Variants in TMEM59L observed in about 807,000 individuals in gnomAD.
TMEM59L encodes transmembrane protein 59-like.
In TMEM59L, 31 loss-of-function variants were observed where a neutral mutation model predicts 39.6. The ratio of observed to expected loss-of-function variants is 0.78; its 90% CI spans 0.59 to 1.06. The LOEUF (loss-of-function observed/expected upper bound fraction) is 1.06. TMEM59L is among the 50% of genes least tolerant of loss of function. The pLI is 0.00. For missense variants in TMEM59L, 441 were observed against 451.3 expected (o/e 0.98, Z 0.21); for synonymous variants, 219 against 202.9 (o/e 1.08, Z -0.68).
chr19:18,614,420 C>T (rs1253018715), intron 3 of TMEM59L, among the ~76,000 whole-genome samples: 1 of 152,220 alleles, frequency 6.6e-6, no homozygotes, highest in Non-Finnish European at 1.5e-5. Flanking sequence ...AGAAAACAGC[C>T]ATCATTTATC....
chr19:18,616,046 T>C lies in TMEM59L; in HGVS notation c.480T>C (p.Leu160=), dbSNP rs709679. The C allele has an allele frequency of 0.46, 739,987 of 1,613,734 alleles. 171,713 individuals are homozygous for C. Among genetic ancestry groups the C allele is most frequent in the East Asian group, 0.63 (28,184 of 44,836 alleles). ...LDLFSTLCND[L]VNSAQGFVSS... ...TGTTTTCCACCCTCTGCAATGACCT[T>C]GTCAACTCAGCCCAGGGATTTGTCT... The change falls in exon 4 of 8, where the codon CTT becomes CTC. Residue 160 remains leucine, a synonymous_variant. Transcript: ENST00000262817.
intron 3 of TMEM59L, among the ~76,000 whole-genome samples, chr19:18,615,102 C>A (rs982275758): frequency 2.8e-4 from 42 of 152,170 alleles, no homozygotes; most frequent in Non-Finnish European, 5.4e-4. Context: ...CCTGCCTCAG[C>A]CTCCTTTGTA....
rs138742174 is a variant in TMEM59L, at chr19:18,617,098, C to T, written c.660C>T (p.His220=). 2.9e-5 allele frequency: 46 copies of T among 1,612,678 alleles called. No homozygotes were observed. Among genetic ancestry groups the T allele is most frequent in the Middle Eastern group, 3.3e-4 (2 of 6,084 alleles). Residue 220 remains histidine, a synonymous_variant, in exon 5 of 8, where the codon CAC becomes CAT. Transcript: ENST00000262817. ...RGSHPEALEV[H]VDPVGPLDKV... ...CCCACCCTGAAGCCCTGGAGGTGCA[C>T]GTGGGTAAGGTGCAACCTAGACCAG...
At chr19:18,615,169 G>T (rs904690570) in intron 3 of TMEM59L, among the ~76,000 whole-genome samples, 1 of 152,134 alleles carries the variant, frequency 6.6e-6, no homozygotes, top group Non-Finnish European at 1.5e-5. Context: ...TTTTAGGAGA[G>T]ACAGGGTTTC....
At position 18,616,377 on chromosome 19, in the gene TMEM59L, G is replaced by A. The variant is rs1314220933; in HGVS notation, c.561+250G>A. Among the ~76,000 whole-genome samples, 3 of 105,862 alleles carry A rather than the reference G, an allele frequency of 2.8e-5. No individual in the cohort carries two copies. In the East Asian group the frequency reaches 1.1e-3, roughly 37 times the overall value. 69.4% of individuals were successfully genotyped at this position (105,862 alleles called of 152,430 possible). ...CCAGAGGCTCTAGGTTACAAACGCT[G>A]TGGTTTTTTTTTGTTGTTGTTGTTG... On this transcript the variant is annotated intron_variant, in intron 4 of 7. Coordinates refer to ENST00000262817, the MANE Select transcript of TMEM59L (RefSeq NM_012109.3).
intron 7 of TMEM59L, among the ~76,000 whole-genome samples, chr19:18,618,951 T>C (rs928440471): frequency 6.6e-6 from 1 of 151,832 alleles, no homozygotes; most frequent in African/African-American, 2.4e-5. Flanking sequence ...CGCCTCTGCC[T>C]CCCAAAGTGC....
At chr19:18,618,559 G>C in intron 7 of TMEM59L, 67 bp downstream of exon 7, 1 of 1,508,920 alleles carries the variant, frequency 6.6e-7, no homozygotes. Context: ...CTGTTTGCTG[G>C]TCCTGGATTT....
chr19:18,613,869 C>G lies in TMEM59L; in HGVS notation c.172-3C>G, dbSNP rs576254642. 1 of 1,610,258 alleles carries G rather than the reference C, an allele frequency of 6.2e-7. No homozygotes were observed. Among genetic ancestry groups the G allele is most frequent in the Non-Finnish European group, 8.5e-7 (1 of 1,178,982 alleles). On this transcript the variant is annotated splice_region_variant and splice_polypyrimidine_tract_variant and intron_variant, in intron 1 of 7. Transcript: ENST00000262817. Reference sequence around the variant, plus strand: ...CTGAGCCCCCTGTCCTCCCCTCCCCCAGGCGGGGCTGGAGGGCGCCTCCGA... The same window carrying G: ...CTGAGCCCCCTGTCCTCCCCTCCCCGAGGCGGGGCTGGAGGGCGCCTCCGA...
At chr19:18,613,845 T>G in intron 1 of TMEM59L, 27 bp from the exon 2 acceptor site, 5 of 1,306,282 alleles carry the variant, frequency 3.8e-6, no homozygotes, top group South Asian at 1.2e-5. Flanking sequence ...CCCCATGGCC[T>G]GAGCCCCCTG....
rs1976436466 is a variant in TMEM59L, at chr19:18,617,078, C to T, written c.640C>T (p.Pro214Ser). The change falls in exon 5 of 8, where the codon CCT (proline) becomes TCT (serine). Residue 214 changes from proline to serine, a missense_variant. Coordinates refer to ENST00000262817, the MANE Select transcript of TMEM59L (RefSeq NM_012109.3). ...GGAGGTGACCTGGCGAGGCTCCCACCCTGAAGCCCTGGAGGTGCACGTGGG... is the reference window on the plus strand; with the variant it reads ...GGAGGTGACCTGGCGAGGCTCCCACTCTGAAGCCCTGGAGGTGCACGTGGG... ...RVEVTWRGSH[P>S]EALEVHVDPV... is the part of the protein sequence containing the mutation. The T allele has an allele frequency of 1.2e-6, 2 of 1,613,270 alleles. No individual in the cohort carries two copies. The highest frequency in any genetic ancestry group is 1.7e-6 in the Non-Finnish European group (2 of 1,179,884).
intron 7 of TMEM59L, 48 bp downstream of exon 7, chr19:18,618,540 C>G: frequency 6.5e-7 from 1 of 1,550,330 alleles, no homozygotes; most frequent in Non-Finnish European, 8.8e-7. Flanking sequence ...GGGGTGAAGG[C>G]AGAGAGAGCT....
Position 18,620,450 on chromosome 19 carries a change from G to A in TMEM59L, c.943G>A (p.Asp315Asn), listed in dbSNP as rs752463223. The A allele has an allele frequency of 9.9e-6, 16 of 1,613,342 alleles. No homozygotes were observed. The highest frequency in any genetic ancestry group is 3.3e-5 in the South Asian group (3 of 91,068). The change falls in exon 8 of 8, where the codon GAT (aspartate) becomes AAT (asparagine). Residue 315 changes from aspartate (D) to asparagine (N), a missense_variant. By Grantham distance (23) the Asp-to-Asn change is conservative. Coordinates refer to ENST00000262817, the MANE Select transcript of TMEM59L (RefSeq NM_012109.3). ...EQHKGFMMEP[D>N]WPLYPPPSHA... ...GCACAAGGGCTTCATGATGGAGCCCGATTGGCCCCTGTACCCGCCGCCGTC... is the reference window on the plus strand; with the variant it reads ...GCACAAGGGCTTCATGATGGAGCCCAATTGGCCCCTGTACCCGCCGCCGTC...
In TMEM59L at chr19:18,618,417, C is replaced by T; in HGVS notation, c.825C>T (p.Phe275=). The T allele has an allele frequency of 1.2e-6, 2 of 1,608,190 alleles. No homozygotes were observed. The highest frequency in any genetic ancestry group is 1.7e-6 in the Non-Finnish European group (2 of 1,179,280). ...LPRWILACCL[F]LSVLVMLWLS... ...GCTGGATCCTGGCCTGCTGCCTCTT[C>T]CTCTCCGTGCTGGTGATGCTGTGGC... The change falls in exon 7 of 8, where the codon TTC becomes TTT. Residue 275 remains phenylalanine, a synonymous_variant. Coordinates refer to ENST00000262817, the MANE Select transcript of TMEM59L (RefSeq NM_012109.3).
At chr19:18,614,338 C>T (rs778146210) in intron 3 of TMEM59L, 143 bp downstream of exon 3, 80 of 881,510 alleles carry the variant, frequency 9.1e-5, no homozygotes, top group Middle Eastern at 2.7e-4. Flanking sequence ...CATCCAGCCC[C>T]GTCATGTCTC....
intron 7 of TMEM59L, among the ~76,000 whole-genome samples, 154 bp downstream of exon 7, chr19:18,618,646 CGTGTGTGTGT>C (rs10580494): frequency 2.1e-4 from 26 of 125,292 alleles, no homozygotes; most frequent in Middle Eastern, 4.0e-3. Context: ...TATACATATA[CGTGTGTGTGT>C]GTGTGTGTGT....
chr19:18,618,085 C>A, intron 5 of TMEM59L, 70 bp from the exon 6 acceptor site: 4 of 1,227,498 alleles, frequency 3.3e-6, no homozygotes, highest in Admixed American at 1.7e-5. Context: ...GACCTCCTCC[C>A]TCCTGGTCAT....
At position 18,613,855 on chromosome 19, in the gene TMEM59L, G is replaced by C. The variant is rs771711399; in HGVS notation, c.172-17G>C. The C allele has an allele frequency of 1.7e-5, 27 of 1,601,328 alleles. No homozygotes were observed. The Middle Eastern group carries it at 6.6e-4, about 39-fold the overall frequency. ...CCCCTCCCCATGGCCTGAGCCCCCTGTCCTCCCCTCCCCCAGGCGGGGCTG... is the reference window on the plus strand; with the variant it reads ...CCCCTCCCCATGGCCTGAGCCCCCTCTCCTCCCCTCCCCCAGGCGGGGCTG... On this transcript the variant is annotated splice_polypyrimidine_tract_variant and intron_variant, in intron 1 of 7. Transcript: ENST00000262817.
Position 18,614,167 on chromosome 19 carries a change from A to C in TMEM59L, c.380A>C (p.Gln127Pro). The change falls in exon 3 of 8, where the codon CAG becomes CCG. Residue 127 changes from glutamine (Q) to proline (P), a missense_variant. Transcript: ENST00000262817. Reference sequence around the variant, plus strand: ...GCCTGTAGCCACGGCTGCTGGAGCCAGCCCGCGGAGCCTGAGCCGGAGCAG... The same window carrying C: ...GCCTGTAGCCACGGCTGCTGGAGCCCGCCCGCGGAGCCTGAGCCGGAGCAG... ...QQACSHGCWS[Q>P]PAEPEPEQKR... The C allele has an allele frequency of 6.2e-7, 1 of 1,606,284 alleles. No homozygotes were observed. The highest frequency in any genetic ancestry group is 8.5e-7 in the Non-Finnish European group (1 of 1,177,748).
In TMEM59L at chr19:18,613,070, GAC is replaced by G. The variant is rs1462026981; in HGVS notation, c.115_116del (p.Thr39AlafsTer30). 1 of 1,376,332 alleles carries G rather than the reference GAC, an allele frequency of 7.3e-7. No individual in the cohort carries two copies. The highest frequency in any genetic ancestry group is 9.4e-7 in the Non-Finnish European group (1 of 1,067,462). The allele number at this position is 1,376,332 out of a possible 1,614,324, so 85.3% of individuals were successfully genotyped here. On this transcript the variant is annotated frameshift_variant, in exon 1 of 8. Coordinates refer to ENST00000262817, the MANE Select transcript of TMEM59L (RefSeq NM_012109.3). LOFTEE classifies it high-confidence loss of function. ...ARDPFAPQLGDTQNCQLRCRD... is the reference protein window; with the variant it reads ...ARDPFAPQLGXTQNCQLRCRD... ...CGATCCCTTCGCCCCCCAGCTCGGG[GAC>G]ACGCAGAACTGCCAGCTGCGGTGCC... is the stretch of plus-strand genomic sequence containing the variant.
Sources: allele counts gnomAD v4.1 joint callset (sites outside exome capture counted in the v4.1 genomes callset), GRCh38; gene constraint gnomAD v4.1.1; transcripts MANE v1.5; gene names NCBI Gene and HGNC (gene_info 2026-07-23, HGNC 2026-07-21).